NPAT: variants seen among roughly 807,000 people sequenced by gnomAD.
NPAT encodes the protein protein NPAT.
NPAT carries 52 observed loss-of-function variants against 130.7 expected under a neutral mutation model. The ratio of observed to expected loss-of-function variants is 0.40; its 90% CI spans 0.32 to 0.50. The LOEUF is 0.50. Ranked by LOEUF, NPAT falls within the 20% of genes least tolerant of loss-of-function variation. The pLI is 0.68. For missense variants in NPAT, 1,687 were observed against 1,662.6 expected (o/e 1.01, Z -0.26); for synonymous variants, 580 against 584.8 (o/e 0.99, Z 0.12).
chr11:108,215,810 T>A (rs1023034787), intron 1 of NPAT, among the ~76,000 whole-genome samples: 3 of 152,190 alleles, frequency 2.0e-5, no homozygotes, highest in African/African-American at 7.2e-5. Context: ...CAAACAAATA[T>A]ACAAATCAAA....
chr11:108,204,260 A>G (rs1290618089), intron 1 of NPAT, among the ~76,000 whole-genome samples: 3 of 152,158 alleles, frequency 2.0e-5, no homozygotes, highest in Non-Finnish European at 4.4e-5. Flanking sequence ...TTCCGGACAG[A>G]GTCCACAACT....
rs115251509 is a variant in NPAT, at chr11:108,186,499, C to T, written c.709G>A (p.Ala237Thr). Residue 237 changes from alanine (A) to threonine (T), a missense_variant, in exon 8 of 18, where the codon GCT (alanine) becomes ACT (threonine). Ala to Thr is a moderately conservative substitution (Grantham distance 58, BLOSUM62 0). Transcript: ENST00000278612. ...TCACTTACTTTTTCTACTGCAAAAG[C>T]GTTTGGATCTTGGAAATTCCGTATT... ...STIRNFQDPN[A>T]FAVEKQMVIE... 482 of 1,613,898 alleles carry T rather than the reference C, an allele frequency of 3.0e-4. No homozygotes were observed. The highest frequency in any genetic ancestry group is 1.5e-3 in the African/African-American group (111 of 75,024).
chr11:108,193,290 C>T (rs2078188513), intron 3 of NPAT, among the ~76,000 whole-genome samples: 1 of 152,132 alleles, frequency 6.6e-6, no homozygotes, highest in South Asian at 2.1e-4. Context: ...CAGTTTAAAA[C>T]TTTTTAACAC....
Position 108,176,229 on chromosome 11 carries a change from C to A in NPAT, c.1132+17G>T, listed in dbSNP as rs1267978949. ...TTAAGATTTGGATTGATGATATTAA[C>A]AAAATTAAATTCTTACCAGATTCTT... On this transcript the variant is annotated intron_variant, in intron 12 of 17. Coordinates refer to ENST00000278612, the MANE Select transcript of NPAT (RefSeq NM_002519.3). The A allele has an allele frequency of 1.3e-6, 2 of 1,543,776 alleles. No individual in the cohort carries two copies. Among genetic ancestry groups the A allele is most frequent in the African/African-American group, 2.7e-5 (2 of 73,570 alleles).
intron 12 of NPAT, 30 bp from the exon 13 acceptor site, chr11:108,173,881 T>A (rs756730434): frequency 5.1e-6 from 8 of 1,581,058 alleles, no homozygotes; most frequent in Non-Finnish European, 7.0e-6. Context: ...TAGACAGATA[T>A]GGTAAATATG....
intron 1 of NPAT, among the ~76,000 whole-genome samples, chr11:108,197,898 G>A (rs778796255): frequency 6.6e-6 from 1 of 152,168 alleles, no homozygotes; most frequent in Non-Finnish European, 1.5e-5. Flanking sequence ...TGAAAGTTGA[G>A]ACAGGAACTC....
At chr11:108,170,158 C>A in intron 13 of NPAT, 115 bp from the exon 14 acceptor site, 2 of 686,388 alleles carry the variant, frequency 2.9e-6, no homozygotes, top group Non-Finnish European at 5.2e-6. Flanking sequence ...TGAACAATCC[C>A]TCTTCCTTAC....
intron 15 of NPAT, among the ~76,000 whole-genome samples, chr11:108,166,486 C>G (rs2077904211): frequency 6.6e-6 from 1 of 152,116 alleles, no homozygotes; most frequent in South Asian, 2.1e-4. Flanking sequence ...TGACTTTTTA[C>G]TTTTAGGTCT....
chr11:108,186,389 T>C lies in NPAT; in HGVS notation c.726+93A>G, dbSNP rs573640447. 108 of 900,006 alleles carry C rather than the reference T, an allele frequency of 1.2e-4. No individual in the cohort carries two copies. The Middle Eastern group carries it at 1.9e-3, about 16-fold the overall frequency. 55.8% of individuals were successfully genotyped at this position (900,006 alleles called of 1,614,324 possible). A position where few individuals can be genotyped will look rare whatever the true frequency, so the allele number is the denominator to read the frequency against. On this transcript the variant is annotated intron_variant, in intron 8 of 17. Coordinates refer to ENST00000278612, the MANE Select transcript of NPAT (RefSeq NM_002519.3). Reference sequence around the variant, plus strand: ...TATAAACTTACTCCTGTTTCTTTATTTGATACATACACACATACATACATT... The same window carrying C: ...TATAAACTTACTCCTGTTTCTTTATCTGATACATACACACATACATACATT...
intron 1 of NPAT, among the ~76,000 whole-genome samples, chr11:108,215,629 T>C (rs955728009): frequency 6.6e-6 from 1 of 152,194 alleles, no homozygotes; most frequent in African/African-American, 2.4e-5. Flanking sequence ...GTGAAAAACC[T>C]AATAAGGTTG....
At chr11:108,220,771 A>C (rs2078479043) in intron 1 of NPAT, among the ~76,000 whole-genome samples, 1 of 152,194 alleles carries the variant, frequency 6.6e-6, no homozygotes, top group Non-Finnish European at 1.5e-5. Flanking sequence ...TTTTAGTAAG[A>C]ATAGAATTAT....
chr11:108,175,811 T>C (rs757405180), intron 12 of NPAT, among the ~76,000 whole-genome samples: 11 of 152,188 alleles, frequency 7.2e-5, no homozygotes, highest in Non-Finnish European at 4.4e-5. Context: ...TTACAGACTT[T>C]TGAGCAACTG....
At chr11:108,190,390 G>C (rs2078157668) in intron 5 of NPAT, 70 bp downstream of exon 5, 1 of 1,033,502 alleles carries the variant, frequency 9.7e-7, no homozygotes, top group Admixed American at 1.8e-5. Context: ...TGTGTACAAT[G>C]AATTAAAATG....
In NPAT at chr11:108,189,316, C is replaced by T; in HGVS notation, c.346G>A (p.Gly116Arg). The part of the protein sequence containing the change: ...AGSQRARTRT[G>R]IAEIKRQRKL... ...CTCTGCCGTTTGATTTCTGCAATTC[C>T]AGTTCTCGTTCGGGCTGAAACATAT... is the stretch of plus-strand genomic sequence containing the variant. The change falls in exon 6 of 18, where the codon GGA (glycine) becomes AGA (arginine). Residue 116 changes from glycine to arginine, a missense_variant. Physicochemically the swap from Gly to Arg is moderately radical, Grantham distance 125. This residue lies in a region of NPAT where 307 missense variants were observed against 298.9 expected (regional missense o/e 1.03). Transcript: ENST00000278612. 1.2e-6 allele frequency: 2 copies of T among 1,614,160 alleles called. No homozygotes were observed. Among genetic ancestry groups the T allele is most frequent in the Non-Finnish European group, 1.7e-6 (2 of 1,180,030 alleles).
intron 12 of NPAT, among the ~76,000 whole-genome samples, chr11:108,174,564 TAAAAAAA>T (rs561166671): frequency 7.7e-5 from 8 of 103,968 alleles, no homozygotes; most frequent in African/African-American, 2.8e-4. Flanking sequence ...GAGAAGATCT[TAAAAAAA>T]AAAAAAAAAA....
At chr11:108,185,886 T>A (rs1207468580) in intron 8 of NPAT, among the ~76,000 whole-genome samples, 1 of 152,182 alleles carries the variant, frequency 6.6e-6, no homozygotes, top group African/African-American at 2.4e-5. Flanking sequence ...GCGTGTGCCA[T>A]CACACCCAGC....
At position 108,212,046 on chromosome 11, in the gene NPAT, A is replaced by C. The variant is rs76132590; in HGVS notation, c.37+10454T>G. On this transcript the variant is annotated intron_variant, in intron 1 of 17. Transcript: ENST00000278612. ...ATAAAAACACTAGAAATAAAAAGAA[A>C]TTTCCTCAACCTCATAGAGTTATCT... is the stretch of plus-strand genomic sequence containing the variant. Among the ~76,000 whole-genome samples, 314 of 152,048 alleles carry C rather than the reference A, an allele frequency of 2.1e-3. 1 individual carries two copies. The highest frequency in any genetic ancestry group is 7.1e-3 in the African/African-American group (293 of 41,468).
intron 1 of NPAT, among the ~76,000 whole-genome samples, chr11:108,197,664 A>C (rs2078236397): frequency 6.6e-6 from 1 of 152,236 alleles, no homozygotes. Flanking sequence ...GTGTTTAACA[A>C]AGTATAATTA....
intron 8 of NPAT, 76 bp from the exon 9 acceptor site, chr11:108,185,570 A>C (rs2078099362): frequency 3.1e-6 from 3 of 978,808 alleles, no homozygotes; most frequent in Non-Finnish European, 4.8e-6. Context: ...GAAAAGAACA[A>C]ACCGATAAGA....
Sources: gnomAD v4.1 joint callset for allele counts (sites outside exome capture counted in the v4.1 genomes callset) on GRCh38, gnomAD v4.1.1 for gene constraint, gnomAD v4.1.1 regional missense constraint, MANE v1.5 for transcripts, NCBI Gene and HGNC (gene_info 2026-07-23, HGNC 2026-07-21) for gene names.